The following TXLNB variants were observed in gnomAD, a reference collection of about 807,000 sequenced individuals.
The protein encoded by TXLNB is beta-taxilin.
A neutral mutation model predicts 57.4 loss-of-function variants in TXLNB; 37 were observed. That is an observed-to-expected ratio of 0.64 (90% confidence interval 0.50 to 0.85). The LOEUF (loss-of-function observed/expected upper bound fraction) is 0.85. Among genes scored for constraint, TXLNB ranks in the 40% least tolerant of loss-of-function variants. The pLI, the probability that TXLNB is intolerant of heterozygous loss-of-function variation, is 0.00. For synonymous variants in TXLNB, 302 were observed against 309.6 expected (o/e 0.98, Z 0.26); for missense variants, 848 against 825.6 (o/e 1.03, Z -0.33).
At position 139,289,324 on chromosome 6, in the gene TXLNB, C is replaced by T. The variant is rs537123015; in HGVS notation, c.-14-411G>A. 4.2e-5 allele frequency among the ~76,000 whole-genome samples: 6 copies of T among 142,026 alleles called. No individual in the cohort carries two copies. In the East Asian group the frequency reaches 1.2e-3, roughly 28 times the overall value. The allele number at this position is 142,026 out of a possible 152,430, so 93.2% of individuals were successfully genotyped here. On this transcript the variant is annotated intron_variant, in intron 1 of 9. Coordinates refer to ENST00000358430, the MANE Select transcript of TXLNB (RefSeq NM_153235.4). Reference sequence around the variant, plus strand: ...ATTACCGGTGCATGCAGCCCCCAGTCACGTACCCCCTGCTTGCTCAATCAA... The same window carrying T: ...ATTACCGGTGCATGCAGCCCCCAGTTACGTACCCCCTGCTTGCTCAATCAA...
the TXLNB span, among the ~76,000 whole-genome samples, chr6:139,216,142 A>G: frequency 6.6e-6 from 1 of 152,178 alleles, no homozygotes; most frequent in Non-Finnish European, 1.5e-5. Flanking sequence ...CCAAAGGATT[A>G]TAAATCATGC....
the TXLNB span, among the ~76,000 whole-genome samples, chr6:139,181,374 C>G: frequency 6.6e-6 from 1 of 152,234 alleles, no homozygotes; most frequent in African/African-American, 2.4e-5. Context: ...GTGCACCATT[C>G]TGAGTAGCAT....
the TXLNB span, among the ~76,000 whole-genome samples, chr6:139,210,367 C>T: frequency 6.6e-6 from 1 of 152,146 alleles, no homozygotes; most frequent in African/African-American, 2.4e-5. Context: ...TGGGTATCTA[C>T]CCAAAGGAAA....
the TXLNB span, among the ~76,000 whole-genome samples, chr6:139,233,343 CTATA>C: frequency 2.8e-5 from 4 of 144,340 alleles, no homozygotes; most frequent in South Asian, 8.8e-4. Flanking sequence ...ACTGCCTTTA[CTATA>C]TATAAATATA....
At chr6:139,173,030 A>T in the TXLNB span, among the ~76,000 whole-genome samples, 17 of 152,196 alleles carry the variant, frequency 1.1e-4, no homozygotes, top group Non-Finnish European at 4.4e-5. Context: ...AATGTTTGGG[A>T]ATTGCATTGA....
rs746118517 is a variant in TXLNB, at chr6:139,288,764, C to T, written c.136G>A (p.Glu46Lys). 6.2e-7 allele frequency: 1 copy of T among 1,614,212 alleles called. No individual in the cohort carries two copies. ...QDSPTPVQPPEKEASVHPDIS... is the reference protein window; with the variant it reads ...QDSPTPVQPPKKEASVHPDIS... ...TCGGGGTGCACACTTGCCTCTTTCT[C>T]TGGTGGTTGGACTGGGGTTGGAGAA... The change falls in exon 2 of 10, where the codon GAG (glutamate) becomes AAG (lysine). Residue 46 changes from glutamate (E) to lysine (K), a missense_variant. Transcript: ENST00000358430.
At chr6:139,250,316 C>T (rs989351300) in intron 7 of TXLNB, among the ~76,000 whole-genome samples, 6 of 150,262 alleles carry the variant, frequency 4.0e-5, no homozygotes, top group African/African-American at 1.5e-4. Context: ...TGCACTCTGA[C>T]ATATTCTGTT....
chr6:139,217,763 G>T, the TXLNB span, among the ~76,000 whole-genome samples: 1 of 151,598 alleles, frequency 6.6e-6, no homozygotes, highest in African/African-American at 2.4e-5. Context: ...CAGCTACTCG[G>T]GTGGCTGAGG....
At chr6:139,164,065 C>CA in the TXLNB span, among the ~76,000 whole-genome samples, 3 of 120,268 alleles carry the variant, frequency 2.5e-5, no homozygotes, top group Non-Finnish European at 5.2e-5. Context: ...CACACACACA[C>CA]AAACACACAC....
the TXLNB span, among the ~76,000 whole-genome samples, chr6:139,185,704 CA>C: frequency 6.6e-6 from 1 of 152,088 alleles, no homozygotes; most frequent in Non-Finnish European, 1.5e-5. Context: ...CTGTCTCAAA[CA>C]AAACACACAA....
At chr6:139,216,878 G>T in the TXLNB span, among the ~76,000 whole-genome samples, 1 of 152,126 alleles carries the variant, frequency 6.6e-6, no homozygotes, top group Non-Finnish European at 1.5e-5. Context: ...AGAGTTGGAG[G>T]GGGTTAGGGA....
At chr6:139,259,101 C>T (rs150737415) in intron 6 of TXLNB, among the ~76,000 whole-genome samples, 239 of 152,262 alleles carry the variant, frequency 1.6e-3, no homozygotes, top group African/African-American at 5.4e-3. Flanking sequence ...CATCCATCTC[C>T]ACCCCTCTTC....
At chr6:139,309,558 A>G in the TXLNB span, among the ~76,000 whole-genome samples, 8 of 152,178 alleles carry the variant, frequency 5.3e-5, no homozygotes, top group Non-Finnish European at 1.2e-4. Flanking sequence ...AGTAGTCAAT[A>G]TTGCCTCTTG....
the TXLNB span, among the ~76,000 whole-genome samples, chr6:139,167,673 C>T: frequency 6.6e-6 from 1 of 152,140 alleles, no homozygotes; most frequent in Non-Finnish European, 1.5e-5. Context: ...GCTGTGTATC[C>T]TCTTAGATCC....
At chr6:139,274,131 A>G (rs1776835699) in intron 3 of TXLNB, among the ~76,000 whole-genome samples, 1 of 152,256 alleles carries the variant, frequency 6.6e-6, no homozygotes, top group Non-Finnish European at 1.5e-5. Context: ...TTAAATGTGA[A>G]AAATATTTCT....
At chr6:139,250,080 T>G (rs995739596) in intron 7 of TXLNB, among the ~76,000 whole-genome samples, 2 of 151,650 alleles carry the variant, frequency 1.3e-5, no homozygotes, top group African/African-American at 4.8e-5. Context: ...AATTGTGTGA[T>G]CCTAGCTCAC....
intron 7 of TXLNB, chr6:139,255,264 T>A: frequency 2.5e-6 from 1 of 403,168 alleles, no homozygotes; most frequent in South Asian, 2.1e-5. Flanking sequence ...AAATAAGAAG[T>A]GCTAGATGGG....
intron 5 of TXLNB, 112 bp from the exon 6 acceptor site, chr6:139,260,549 A>T: frequency 8.4e-7 from 1 of 1,194,594 alleles, no homozygotes; most frequent in South Asian, 1.5e-5. Flanking sequence ...ATTTAAAAGA[A>T]GAGAGGGATA....
chr6:139,265,986 T>C (rs1235831865), intron 4 of TXLNB, among the ~76,000 whole-genome samples: 2 of 152,202 alleles, frequency 1.3e-5, no homozygotes, highest in South Asian at 2.1e-4. Flanking sequence ...ACAAATCTGA[T>C]TGGCCTTGAG....
Sources: gnomAD v4.1 joint callset for allele counts (sites outside exome capture counted in the v4.1 genomes callset) on GRCh38, gnomAD v4.1.1 for gene constraint, MANE v1.5 for transcripts, NCBI Gene and HGNC (gene_info 2026-07-23, HGNC 2026-07-21) for gene names.